AMBRA1: variants seen among roughly 807,000 people sequenced by gnomAD.
AMBRA1 encodes activating molecule in BECN1-regulated autophagy protein 1.
Under a neutral mutation model 125.4 loss-of-function variants are expected in AMBRA1, and 47 were observed. That is an observed-to-expected ratio of 0.37 (90% CI 0.30 to 0.48). The LOEUF is 0.48. AMBRA1 is among the 20% of genes least tolerant of loss of function. The pLI is 0.99. For missense variants in AMBRA1, 1,331 were observed against 1,693.4 expected, an observed-to-expected ratio of 0.79 and a Z score of 3.76; for synonymous variants, 626 against 655.5, an observed-to-expected ratio of 0.95 and a Z score of 0.69.
chr11:46,408,480 C>T lies in AMBRA1; in HGVS notation c.3403+33G>A, dbSNP rs369482687. 2.6e-5 allele frequency: 38 copies of T among 1,487,026 alleles called. No homozygotes were observed. The African/African-American group carries it at 4.6e-4, about 18-fold the overall frequency. 92.1% of individuals were successfully genotyped at this position (1,487,026 alleles called of 1,614,324 possible). On this transcript the variant is annotated intron_variant, in intron 17 of 17. Transcript: ENST00000683756. ...GCACTCACTCGGTCTTAGGGTCCCT[C>T]TCCCACCCCCTCCAGCGCCACATGG...
At chr11:46,590,469 G>GA (rs773903252) in intron 1 of AMBRA1, among the ~76,000 whole-genome samples, 2,753 of 142,274 alleles carry the variant, frequency 0.019, 39 homozygotes, top group Non-Finnish European at 0.032. Context: ...ATCTCTTCAG[G>GA]AAAAAAAAAA....
At chr11:46,450,510 G>A (rs546537140) in intron 11 of AMBRA1, among the ~76,000 whole-genome samples, 1 of 152,132 alleles carries the variant, frequency 6.6e-6, no homozygotes, top group African/African-American at 2.4e-5. Flanking sequence ...TGCAATCACG[G>A]CTCACGGAAG....
At chr11:46,551,068 G>A (rs1246089320) in intron 1 of AMBRA1, among the ~76,000 whole-genome samples, 3 of 144,472 alleles carry the variant, frequency 2.1e-5, no homozygotes, top group African/African-American at 7.9e-5. Flanking sequence ...CTGCACTCCA[G>A]CCTGGGCGAC....
intron 11 of AMBRA1, among the ~76,000 whole-genome samples, chr11:46,444,451 T>C (rs1948176673): frequency 6.6e-6 from 1 of 152,212 alleles, no homozygotes; most frequent in South Asian, 2.1e-4. Flanking sequence ...GAACATGTCA[T>C]TTCCTCCTCC....
At chr11:46,588,957 T>C (rs2044498413) in intron 1 of AMBRA1, among the ~76,000 whole-genome samples, 1 of 152,150 alleles carries the variant, frequency 6.6e-6, no homozygotes, top group Non-Finnish European at 1.5e-5. Flanking sequence ...ATAGTATCTC[T>C]ATGGGGAAAT....
chr11:46,549,102 A>AT (rs1234853207), intron 1 of AMBRA1: 1 of 152,202 alleles, frequency 6.6e-6, no homozygotes, highest in Non-Finnish European at 1.5e-5. Flanking sequence ...AAAAAAAAAA[A>AT]TCAGGCTCCT....
chr11:46,480,915 G>A (rs754829869), intron 11 of AMBRA1, among the ~76,000 whole-genome samples: 2 of 152,150 alleles, frequency 1.3e-5, no homozygotes, highest in Admixed American at 6.5e-5. Flanking sequence ...CTCTTAAAGA[G>A]GGATCTCTAA....
At chr11:46,556,865 G>A (rs191664009) in intron 1 of AMBRA1, among the ~76,000 whole-genome samples, 9 of 152,262 alleles carry the variant, frequency 5.9e-5, no homozygotes, top group African/African-American at 1.4e-4. Flanking sequence ...GGCTGGTTGC[G>A]GTGGCTCATG....
chr11:46,576,865 TGAA>T (rs2043976265), intron 1 of AMBRA1, among the ~76,000 whole-genome samples: 2 of 152,226 alleles, frequency 1.3e-5, no homozygotes, highest in South Asian at 2.1e-4. Context: ...TGACTTGCTC[TGAA>T]GATGATAGGA....
chr11:46,512,881 A>G (rs1742139345), intron 7 of AMBRA1, 68 bp from the exon 8 acceptor site: 2 of 1,419,928 alleles, frequency 1.4e-6, no homozygotes, highest in Non-Finnish European at 9.8e-7. Flanking sequence ...TCATAAGGAA[A>G]AATGAGGGAG....
intron 17 of AMBRA1, among the ~76,000 whole-genome samples, chr11:46,402,422 C>T (rs1358376170): frequency 5.3e-5 from 8 of 152,012 alleles, no homozygotes; most frequent in African/African-American, 1.7e-4. Context: ...AGTGCGGTGG[C>T]GAGATCTCAG....
chr11:46,451,446 G>A (rs766905018), intron 11 of AMBRA1, among the ~76,000 whole-genome samples: 10 of 152,124 alleles, frequency 6.6e-5, no homozygotes, highest in Non-Finnish European at 1.5e-4. Flanking sequence ...CTGTTGCTTG[G>A]AAAGAATTAG....
chr11:46,581,908 G>A (rs1293133241), intron 1 of AMBRA1, among the ~76,000 whole-genome samples: 1 of 151,810 alleles, frequency 6.6e-6, no homozygotes, highest in Non-Finnish European at 1.5e-5. Context: ...CTTGAGTCCA[G>A]GAGTTTGAGA....
chr11:46,570,953 A>G (rs1442419950), intron 1 of AMBRA1, among the ~76,000 whole-genome samples: 1 of 152,192 alleles, frequency 6.6e-6, no homozygotes, highest in Non-Finnish European at 1.5e-5. Flanking sequence ...AACCTCTGAG[A>G]GCTTGTGGGG....
chr11:46,421,152 A>G (rs1946833119), intron 14 of AMBRA1, among the ~76,000 whole-genome samples: 1 of 152,208 alleles, frequency 6.6e-6, no homozygotes, highest in Non-Finnish European at 1.5e-5. Flanking sequence ...AACCCAGCTT[A>G]GGTGAGACAA....
intron 14 of AMBRA1, among the ~76,000 whole-genome samples, chr11:46,423,636 C>T (rs1946962861): frequency 6.6e-6 from 1 of 152,150 alleles, no homozygotes; most frequent in South Asian, 2.1e-4. Context: ...TGTGATCTGC[C>T]TGCCTCGGCC....
chr11:46,504,836 C>T (rs1034505115), intron 9 of AMBRA1, among the ~76,000 whole-genome samples: 10 of 152,226 alleles, frequency 6.6e-5, no homozygotes, highest in Non-Finnish European at 1.3e-4. Context: ...GACAATAAAA[C>T]TCAGACACTA....
chr11:46,449,203 A>AC (rs1353594359), intron 11 of AMBRA1, among the ~76,000 whole-genome samples: 2 of 151,828 alleles, frequency 1.3e-5, no homozygotes, highest in Non-Finnish European at 2.9e-5. Flanking sequence ...ATCAGAAACC[A>AC]CCCCCCACCG....
chr11:46,568,939 TGA>T (rs930431188), intron 1 of AMBRA1, among the ~76,000 whole-genome samples: 1 of 151,158 alleles, frequency 6.6e-6, no homozygotes, highest in Non-Finnish European at 1.5e-5. Flanking sequence ...CCCAAGTTGC[TGA>T]GACTACAGGC....
Sources: allele counts gnomAD v4.1 joint callset (sites outside exome capture counted in the v4.1 genomes callset), GRCh38; gene constraint gnomAD v4.1.1; transcripts MANE v1.5; gene names NCBI Gene and HGNC (gene_info 2026-07-23, HGNC 2026-07-21).